CLIP4: variants seen among roughly 807,000 people sequenced by gnomAD.
CLIP4 encodes CAP-Gly domain containing linker protein family member 4.
Under a neutral mutation model 73.1 loss-of-function variants are expected in CLIP4, and 47 were observed. The ratio of observed to expected loss-of-function variants is 0.64; its 90% CI spans 0.51 to 0.82. The LOEUF (loss-of-function observed/expected upper bound fraction) is 0.82. CLIP4 is among the 40% of genes least tolerant of loss of function. CLIP4 has a pLI of 0.00. For synonymous variants in CLIP4, 306 were observed against 295.4 expected (o/e 1.04, Z -0.37); for missense variants, 874 against 852.9 (o/e 1.02, Z -0.31).
chr2:29,171,079 T>C (rs1667971449), intron 14 of CLIP4, among the ~76,000 whole-genome samples: 2 of 152,230 alleles, frequency 1.3e-5, no homozygotes, highest in South Asian at 4.1e-4. Context: ...TTGGTTATTC[T>C]AGGCCTTTCA....
rs564520455 is a variant in CLIP4, at chr2:29,175,134, C to T, written c.1796+689C>T. Among the ~76,000 whole-genome samples, 20 of 152,216 alleles carry T rather than the reference C, an allele frequency of 1.3e-4. 1 individual carries two copies. In the East Asian group the frequency reaches 1.9e-3, roughly 15 times the overall value. On this transcript the variant is annotated intron_variant, in intron 15 of 15. Transcript: ENST00000320081. ...TTAAGTAATGGGACCCTAGGAGCCA[C>T]GAGAAATTAGAGCCCAGAGGCTAGA...
At position 29,148,341 on chromosome 2, in the gene CLIP4, G is replaced by A. The variant is rs72862356; in HGVS notation, c.1021+2974G>A. Among the ~76,000 whole-genome samples the A allele has an allele frequency of 6.4e-3, 981 of 152,230 alleles. 9 individuals are homozygous for A. The highest frequency in any genetic ancestry group is 0.022 in the African/African-American group (928 of 41,528). ...GGCTTGTTGTGCTGCTTTTATTATA[G>A]ATTAAGTTCTTATCAATGCTATGGT... On this transcript the variant is annotated intron_variant, in intron 8 of 15. Coordinates refer to ENST00000320081, the MANE Select transcript of CLIP4 (RefSeq NM_024692.6).
At chr2:29,117,610 G>A (rs1443369941) in intron 1 of CLIP4, among the ~76,000 whole-genome samples, 8 of 152,208 alleles carry the variant, frequency 5.3e-5, no homozygotes, top group Non-Finnish European at 8.8e-5. Context: ...GGGATTACAG[G>A]CATGAGCCAC....
At chr2:29,131,537 C>T in intron 3 of CLIP4, 140 bp downstream of exon 3, 3 of 870,476 alleles carry the variant, frequency 3.4e-6, no homozygotes, top group Non-Finnish European at 5.1e-6. Context: ...CCAGGATTTT[C>T]ATGGGGCAGT....
At chr2:29,107,139 A>G (rs1237606540) in intron 1 of CLIP4, among the ~76,000 whole-genome samples, 1 of 152,096 alleles carries the variant, frequency 6.6e-6, no homozygotes, top group African/African-American at 2.4e-5. Context: ...GGCAGCTCCA[A>G]TGGGTCTGAC....
At chr2:29,109,895 T>G (rs1668340066) in intron 1 of CLIP4, among the ~76,000 whole-genome samples, 1 of 151,988 alleles carries the variant, frequency 6.6e-6, no homozygotes, top group African/African-American at 2.4e-5. Flanking sequence ...CCGTCTCTAC[T>G]AAAAATACAA....
At chr2:29,145,434 T>C in intron 8 of CLIP4, 67 bp downstream of exon 8, 1 of 1,344,424 alleles carries the variant, frequency 7.4e-7, no homozygotes, top group East Asian at 2.4e-5. Flanking sequence ...TCTTTTACAG[T>C]TGTTAAATAA....
chr2:29,163,838 G>A lies in CLIP4; in HGVS notation c.1542G>A (p.Trp514Ter). ...FGTTNFAPGYWYGIELEKPHG... is the reference protein window; with the variant it reads ...FGTTNFAPGY ...GCAATATTCATGTTCTAGGATATTGGTATGGTATAGAGCTTGAAAAACCCC... is the reference window on the plus strand; with the variant it reads ...GCAATATTCATGTTCTAGGATATTGATATGGTATAGAGCTTGAAAAACCCC... Residue 514 changes from tryptophan (W) to a stop codon, truncating the protein, a stop_gained, in exon 13 of 16, where the codon TGG becomes TGA. Transcript: ENST00000320081. LOFTEE classifies it high-confidence loss of function. 1 of 1,612,240 alleles carries A rather than the reference G, an allele frequency of 6.2e-7. No individual in the cohort carries two copies. The highest frequency in any genetic ancestry group is 8.5e-7 in the Non-Finnish European group (1 of 1,179,186).
chr2:29,166,032 TC>T (rs1667593132), intron 13 of CLIP4, among the ~76,000 whole-genome samples: 1 of 152,052 alleles, frequency 6.6e-6, no homozygotes, highest in Non-Finnish European at 1.5e-5. Flanking sequence ...CCAGCTGTCT[TC>T]CTGTCATCTT....
intron 9 of CLIP4, among the ~76,000 whole-genome samples, chr2:29,155,261 C>T (rs1488837574): frequency 6.6e-6 from 1 of 152,088 alleles, no homozygotes; most frequent in East Asian, 1.9e-4. Context: ...TGTGCCACTG[C>T]ACTACAGCCT....
Position 29,121,430 on chromosome 2 carries a change from T to A in CLIP4, c.42T>A (p.Asn14Lys). Residue 14 changes from asparagine to lysine, a missense_variant, in exon 2 of 16, where the codon AAT becomes AAA. Physicochemically the swap from Asn to Lys is moderately conservative, Grantham distance 94. Coordinates refer to ENST00000320081, the MANE Select transcript of CLIP4 (RefSeq NM_024692.6). ...EDLPDFPLEG[N>K]PLFGRYPFIF... ...TTCCAGATTTTCCATTAGAAGGAAA[T>A]CCTTTGTTTGGAAGATACCCATTTA... The A allele has an allele frequency of 1.2e-6, 2 of 1,613,686 alleles. No homozygotes were observed. The highest frequency in any genetic ancestry group is 2.2e-5 in the South Asian group (2 of 91,024).
chr2:29,174,865 T>C (rs578100334), intron 15 of CLIP4, among the ~76,000 whole-genome samples: 9 of 152,248 alleles, frequency 5.9e-5, no homozygotes, highest in African/African-American at 2.2e-4. Context: ...CTCTTAAGAG[T>C]ATAATGCTCA....
upstream of CLIP4, chr2:29,114,333 G>C (rs917828888): frequency 5.3e-5 from 8 of 152,244 alleles, no homozygotes; most frequent in African/African-American, 1.9e-4. Flanking sequence ...TTGTGACCAG[G>C]TCATATCAGG....
chr2:29,159,390 T>C (rs2060906), intron 11 of CLIP4, among the ~76,000 whole-genome samples: 20,717 of 152,200 alleles, frequency 0.14, 1,853 homozygotes, highest in Middle Eastern at 0.23. Context: ...TCAGCTGTTA[T>C]ATTTGAACAG....
intron 11 of CLIP4, among the ~76,000 whole-genome samples, chr2:29,158,861 C>T (rs1667108650): frequency 6.6e-6 from 1 of 152,192 alleles, no homozygotes; most frequent in South Asian, 2.1e-4. Flanking sequence ...CCTTCAACTC[C>T]TGGACCCAGG....
intron 3 of CLIP4, 78 bp downstream of exon 3, chr2:29,131,475 A>T: frequency 6.9e-7 from 1 of 1,446,386 alleles, no homozygotes. Flanking sequence ...TCTGAAAGGA[A>T]GATGGTAATA....
chr2:29,142,711 C>T (rs186582893), intron 6 of CLIP4, among the ~76,000 whole-genome samples: 49 of 152,260 alleles, frequency 3.2e-4, no homozygotes, highest in Non-Finnish European at 4.4e-4. Context: ...TTCATTTTTC[C>T]ATGTGAATCA....
At position 29,152,388 on chromosome 2, in the gene CLIP4, T is replaced by TA. The variant is rs35592808; in HGVS notation, c.1022-289dup. 4.6e-5 allele frequency among the ~76,000 whole-genome samples: 7 copies of TA among 151,742 alleles called. No individual in the cohort carries two copies. The South Asian group carries it at 8.3e-4, about 18-fold the overall frequency. On this transcript the variant is annotated intron_variant, in intron 8 of 15. Transcript: ENST00000320081. ...ATTTCTTAAAAGTTACCGTAAAGGT[T>TA]AAAAAAAATGATAGAAAACTATCAA...
chr2:29,140,477 C>G (rs1220294206), intron 6 of CLIP4, among the ~76,000 whole-genome samples: 1 of 152,142 alleles, frequency 6.6e-6, no homozygotes, highest in Non-Finnish European at 1.5e-5. Flanking sequence ...TCCAGTCTAT[C>G]ATTGTCAGAC....
Sources: allele counts gnomAD v4.1 joint callset (sites outside exome capture counted in the v4.1 genomes callset), GRCh38; gene constraint gnomAD v4.1.1; transcripts MANE v1.5; gene names NCBI Gene and HGNC (gene_info 2026-07-23, HGNC 2026-07-21).